GPC5: variants seen among roughly 807,000 people sequenced by gnomAD.
GPC5 encodes glypican 5, also known as glypican-5.
GPC5 carries 47 observed loss-of-function variants against 53.9 expected under a neutral mutation model. The ratio of observed to expected loss-of-function variants is 0.87; its 90% CI spans 0.69 to 1.11. The LOEUF (loss-of-function observed/expected upper bound fraction) is 1.11. Among genes scored for constraint, GPC5 ranks in the 50% most tolerant of loss-of-function variants. GPC5 has a pLI of 0.00. For missense variants in GPC5, 748 were observed against 713.1 expected, an observed-to-expected ratio of 1.05 and a Z score of -0.56; for synonymous variants, 286 against 263.3, an observed-to-expected ratio of 1.09 and a Z score of -0.84.
At chr13:91,630,327 T>A (rs1242619704) in intron 2 of GPC5, among the ~76,000 whole-genome samples, 1 of 152,128 alleles carries the variant, frequency 6.6e-6, no homozygotes, top group African/African-American at 2.4e-5. Context: ...TATTGGGTAT[T>A]AGCTTCTTTG....
In GPC5 at chr13:92,046,245, T is replaced by C. The variant is rs370669864; in HGVS notation, c.1402-98585T>C. Among the ~76,000 whole-genome samples the C allele has an allele frequency of 1.1e-4, 16 of 152,336 alleles. 1 individual carries two copies. The East Asian group carries it at 2.5e-3, about 24-fold the overall frequency. ...ATTTCCTGAAGTCTCTTCTTTAAAT[T>C]TAGTTTTCTTTATACCATTGTGTTC... is the stretch of plus-strand genomic sequence containing the variant. On this transcript the variant is annotated intron_variant, in intron 6 of 7. Transcript: ENST00000377067.
At chr13:92,640,353 G>A (rs1885554449) in intron 7 of GPC5, among the ~76,000 whole-genome samples, 1 of 151,922 alleles carries the variant, frequency 6.6e-6, no homozygotes, top group Non-Finnish European at 1.5e-5. Context: ...TCCACCTCCC[G>A]GGTTCACGCC....
At position 92,511,590 on chromosome 13, in the gene GPC5, G is replaced by T. The variant is rs143714214; in HGVS notation, c.1562-354692G>T. 1.4e-4 allele frequency among the ~76,000 whole-genome samples: 21 copies of T among 152,238 alleles called. No individual in the cohort carries two copies. In the East Asian group the frequency reaches 4.1e-3, roughly 29 times the overall value. ...TTGTTCAAGGGCATATGATTTCTGT[G>T]ACCATTTTTGGATGTTGTTTCACTT... On this transcript the variant is annotated intron_variant, in intron 7 of 7. Transcript: ENST00000377067.
At chr13:91,893,351 A>T (rs1350079860) in intron 5 of GPC5, among the ~76,000 whole-genome samples, 1 of 151,934 alleles carries the variant, frequency 6.6e-6, no homozygotes, top group Non-Finnish European at 1.5e-5. Flanking sequence ...TTTATTAAAG[A>T]TTTACTTAAG....
At chr13:92,368,634 T>TAAAAA (rs34793615) in intron 7 of GPC5, among the ~76,000 whole-genome samples, 5 of 66,320 alleles carry the variant, frequency 7.5e-5, no homozygotes, top group Admixed American at 2.3e-4. Flanking sequence ...AAGACTGTCT[T>TAAAAA]AAAAAAAAAA....
intron 1 of GPC5, among the ~76,000 whole-genome samples, chr13:91,429,840 A>G (rs1477608420): frequency 6.6e-6 from 1 of 152,170 alleles, no homozygotes; most frequent in Non-Finnish European, 1.5e-5. Context: ...CTCCTCTTCC[A>G]TGGTTATGAT....
intron 7 of GPC5, among the ~76,000 whole-genome samples, chr13:92,166,468 A>G (rs1228217045): frequency 2.0e-5 from 3 of 152,230 alleles, no homozygotes; most frequent in Non-Finnish European, 4.4e-5. Context: ...TATTCTGGGT[A>G]TAATTGATAT....
At position 92,381,897 on chromosome 13, in the gene GPC5, A is replaced by G. The variant is rs1357781066; in HGVS notation, c.1561+236908A>G. On this transcript the variant is annotated intron_variant, in intron 7 of 7. Transcript: ENST00000377067. ...ATATATGATTATATATATTATATAT[A>G]ATCATATATATGATATATATAATCA... Among the ~76,000 whole-genome samples, 873 of 101,310 alleles carry G rather than the reference A, an allele frequency of 8.6e-3. 37 individuals carry two copies. The highest frequency in any genetic ancestry group is 0.03 in the African/African-American group (818 of 27,082). The allele number at this position is 101,310 out of a possible 152,430, so 66.5% of individuals were successfully genotyped here. A position where few individuals can be genotyped will look rare whatever the true frequency, so the allele number is the denominator to read the frequency against.
intron 6 of GPC5, among the ~76,000 whole-genome samples, chr13:91,960,149 A>T (rs2040113287): frequency 7.1e-6 from 1 of 141,234 alleles, no homozygotes; most frequent in South Asian, 2.4e-4. Flanking sequence ...CTCTTTACTG[A>T]TAATATGATC....
At chr13:92,370,876 G>A (rs2043644772) in intron 7 of GPC5, among the ~76,000 whole-genome samples, 1 of 152,018 alleles carries the variant, frequency 6.6e-6, no homozygotes, top group Admixed American at 6.6e-5. Context: ...TGGGCACAGT[G>A]GGTGGCTCAC....
intron 7 of GPC5, among the ~76,000 whole-genome samples, chr13:92,523,234 C>G (rs558984309): frequency 6.6e-6 from 1 of 152,196 alleles, no homozygotes; most frequent in South Asian, 2.1e-4. Context: ...TGTTGCTAAA[C>G]TCAAAGATAA....
At chr13:92,602,231 A>ATAAAATATATATATAT (rs1555294283) in intron 7 of GPC5, among the ~76,000 whole-genome samples, 3 of 4,964 alleles carry the variant, frequency 6.0e-4, no homozygotes, top group South Asian at 0.023. Flanking sequence ...ATATATATAT[A>ATAAAATATATATATAT]ACATATATAT....
In GPC5 at chr13:91,802,233, C is replaced by T. The variant is rs113761737; in HGVS notation, c.1280+45813C>T. 2.0e-3 allele frequency among the ~76,000 whole-genome samples: 302 copies of T among 151,848 alleles called. 1 individual carries two copies. The highest frequency in any genetic ancestry group is 3.3e-3 in the Non-Finnish European group (227 of 67,956). On this transcript the variant is annotated intron_variant, in intron 5 of 7. Coordinates refer to ENST00000377067, the MANE Select transcript of GPC5 (RefSeq NM_004466.6). ...CTTCCTTCAGATATTCAAATGTGTCCGGAGTTTCTTCCCTCTGGTGGGTTC... is the reference window on the plus strand; with the variant it reads ...CTTCCTTCAGATATTCAAATGTGTCTGGAGTTTCTTCCCTCTGGTGGGTTC...
chr13:92,772,025 C>T (rs990103411), intron 7 of GPC5, among the ~76,000 whole-genome samples: 2 of 152,068 alleles, frequency 1.3e-5, no homozygotes, highest in African/African-American at 4.8e-5. Flanking sequence ...TGAATTCCCC[C>T]TTTTCTTTCA....
At chr13:92,051,083 T>A (rs1594744079) in intron 6 of GPC5, among the ~76,000 whole-genome samples, 1 of 152,314 alleles carries the variant, frequency 6.6e-6, no homozygotes, top group South Asian at 2.1e-4. Context: ...TAATTGCCTA[T>A]GTAGTGCCTC....
intron 6 of GPC5, among the ~76,000 whole-genome samples, chr13:92,085,933 C>G (rs1042591738): frequency 6.6e-6 from 1 of 152,198 alleles, no homozygotes; most frequent in Non-Finnish European, 1.5e-5. Context: ...CCACTCACCC[C>G]GTGCTTTGCA....
chr13:92,221,323 T>A (rs1261966161), intron 7 of GPC5, among the ~76,000 whole-genome samples: 1 of 152,220 alleles, frequency 6.6e-6, no homozygotes, highest in African/African-American at 2.4e-5. Context: ...TTCTATTGCT[T>A]TGTCTTATCA....
At chr13:91,828,165 A>G (rs1038428373) in intron 5 of GPC5, among the ~76,000 whole-genome samples, 10 of 152,062 alleles carry the variant, frequency 6.6e-5, no homozygotes, top group Non-Finnish European at 1.2e-4. Context: ...GAGTGGAAAG[A>G]TAACTTTCTC....
At chr13:92,612,899 TAAC>T (rs1884487464) in intron 7 of GPC5, among the ~76,000 whole-genome samples, 1 of 152,038 alleles carries the variant, frequency 6.6e-6, no homozygotes, top group Admixed American at 6.6e-5. Flanking sequence ...AAAAATAACA[TAAC>T]AAATGACATT....
Sources: gnomAD v4.1 joint callset for allele counts (sites outside exome capture counted in the v4.1 genomes callset) on GRCh38, gnomAD v4.1.1 for gene constraint, MANE v1.5 for transcripts, NCBI Gene and HGNC (gene_info 2026-07-23, HGNC 2026-07-21) for gene names.